LRSAM1: variants seen among roughly 807,000 people sequenced by gnomAD.
LRSAM1 encodes leucine rich repeat and sterile alpha motif containing 1.
Under a neutral mutation model 118.1 loss-of-function variants are expected in LRSAM1, and 96 were observed. The observed-to-expected ratio is 0.81, with a 90% CI of 0.69 to 0.96. LRSAM1 has a LOEUF of 0.96. Among genes scored for constraint, LRSAM1 ranks in the 40% least tolerant of loss-of-function variants. The pLI is 0.00. For synonymous variants in LRSAM1, 322 were observed against 364.2 expected, an observed-to-expected ratio of 0.88 and a Z score of 1.32; for missense variants, 804 against 915.5, an observed-to-expected ratio of 0.88 and a Z score of 1.57.
intron 6 of LRSAM1, among the ~76,000 whole-genome samples, 179 bp from the exon 7 acceptor site, chr9:127,458,824 A>G (rs74472939): frequency 1.8e-4 from 28 of 152,384 alleles, no homozygotes; most frequent in African/African-American, 5.3e-4. Context: ...AGAAAATGGT[A>G]TAATGGTTTG....
rs1834446057 is a variant in LRSAM1 at position 127,454,575 on chromosome 9, A to G, written c.48A>G (p.Lys16=). 6.2e-7 allele frequency: 1 copy of G among 1,614,006 alleles called. No individual in the cohort carries two copies. The highest frequency in any genetic ancestry group is 1.7e-5 in the Admixed American group (1 of 60,000). The part of the protein sequence containing the change: ...RKRKPSEEAR[K]RLEYQMCLAK... ...GGAAACCCAGTGAGGAGGCTCGGAAACGCCTGGAGTACCAGATGTGTTTGG... is the reference window on the plus strand; with the variant it reads ...GGAAACCCAGTGAGGAGGCTCGGAAGCGCCTGGAGTACCAGATGTGTTTGG... The change falls in exon 3 of 26, where the codon AAA becomes AAG. Residue 16 remains lysine (K), a synonymous_variant. Coordinates refer to ENST00000300417, the MANE Select transcript of LRSAM1 (RefSeq NM_001005373.4).
chr9:127,463,271 G>T (rs1834817215), intron 9 of LRSAM1, among the ~76,000 whole-genome samples: 1 of 152,016 alleles, frequency 6.6e-6, no homozygotes, highest in Non-Finnish European at 1.5e-5. Context: ...GGAGGCAGGT[G>T]GTGGGAAGCA....
chr9:127,481,085 C>T, intron 14 of LRSAM1, 98 bp from the exon 15 acceptor site: 5 of 1,354,020 alleles, frequency 3.7e-6, no homozygotes, highest in Non-Finnish European at 5.2e-6. Context: ...CCAAGGTGCC[C>T]CCAGCCCATT....
chr9:127,462,185 G>A (rs1004963126), intron 8 of LRSAM1, 67 bp from the exon 9 acceptor site: 5 of 1,608,132 alleles, frequency 3.1e-6, no homozygotes, highest in Admixed American at 1.7e-5. Flanking sequence ...GGCTCCCAGC[G>A]GGCATCAGGC....
At chr9:127,453,054 A>C (rs1269722962) in intron 2 of LRSAM1, among the ~76,000 whole-genome samples, 1 of 152,116 alleles carries the variant, frequency 6.6e-6, no homozygotes, top group Admixed American at 6.5e-5. Context: ...TGAACTTAAT[A>C]AGCATCTACT....
At position 127,502,794 on chromosome 9, in the gene LRSAM1, C is replaced by G; in HGVS notation, c.2067C>G (p.Asn689Lys). Residue 689 changes from asparagine to lysine, a missense_variant, in exon 26 of 26, where the codon AAC (asparagine) becomes AAG (lysine). Physicochemically the swap from Asn to Lys is moderately conservative, Grantham distance 94. Coordinates refer to ENST00000300417, the MANE Select transcript of LRSAM1 (RefSeq NM_001005373.4). ...CCCAGGCCCAGATGATCTTCCTCAACTGTGGCCACGTCTGCTGCTGCCAGC... is the reference window on the plus strand; with the variant it reads ...CCCAGGCCCAGATGATCTTCCTCAAGTGTGGCCACGTCTGCTGCTGCCAGC... ...LEREAQMIFL[N>K]CGHVCCCQQC... The G allele has an allele frequency of 6.2e-7, 1 of 1,609,252 alleles. No individual in the cohort carries two copies. The highest frequency in any genetic ancestry group is 8.5e-7 in the Non-Finnish European group (1 of 1,177,484).
rs1056512960 is a variant in LRSAM1, at chr9:127,482,953, A to G, written c.1092A>G (p.Ile364Met). 6.4e-7 allele frequency: 1 copy of G among 1,556,314 alleles called. No homozygotes were observed. The highest frequency in any genetic ancestry group is 1.4e-5 in the African/African-American group (1 of 73,346). The change falls in exon 16 of 26, where the codon ATA becomes ATG. Residue 364 changes from isoleucine to methionine, a missense_variant. Ile to Met is a conservative substitution (Grantham distance 10). Coordinates refer to ENST00000300417, the MANE Select transcript of LRSAM1 (RefSeq NM_001005373.4). ...EILKSLENER[I>M]RMEQLMSITQ... is the part of the protein sequence containing the mutation. ...GAATGGATGGATTTTTTTCTAGAAT[A>G]AGAATGGAACAGTTGATGTCCATAA... is the stretch of plus-strand genomic sequence containing the variant.
chr9:127,481,154 G>T (rs780523082), intron 14 of LRSAM1, 29 bp from the exon 15 acceptor site: 31 of 1,613,468 alleles, frequency 1.9e-5, no homozygotes, highest in Middle Eastern at 1.6e-4. Context: ...GCTGGTGACT[G>T]CCAGGACCTT....
chr9:127,477,937 T>TCG (rs1387585341), intron 11 of LRSAM1, among the ~76,000 whole-genome samples: 1 of 150,350 alleles, frequency 6.7e-6, no homozygotes, highest in East Asian at 2.0e-4. Context: ...TAATCCCAGC[T>TCG]ACTCAGGAGG....
intron 2 of LRSAM1, chr9:127,453,692 T>C (rs1834405927): frequency 6.6e-6 from 1 of 152,540 alleles, no homozygotes; most frequent in African/African-American, 2.4e-5. Context: ...GGCCTCACTA[T>C]GGGTCGGTGG....
At chr9:127,501,244 CTAAG>C in intron 25 of LRSAM1, 101 bp downstream of exon 25, 2 of 1,428,582 alleles carry the variant, frequency 1.4e-6, no homozygotes, top group Admixed American at 4.1e-5. Flanking sequence ...CTCCAGTTCT[CTAAG>C]TAGACTGTGC....
Position 127,492,796 on chromosome 9 carries a change from T to G in LRSAM1, c.1504-6T>G. 5.6e-6 allele frequency: 9 copies of G among 1,613,370 alleles called. No homozygotes were observed. Among genetic ancestry groups the G allele is most frequent in the Non-Finnish European group, 6.8e-6 (8 of 1,179,910 alleles). On this transcript the variant is annotated splice_polypyrimidine_tract_variant and splice_region_variant and intron_variant, in intron 20 of 25. Transcript: ENST00000300417. ...ACGGTGGTGCGGGGTGTGGTCTTGTTCGCAGGAGATGATCTCGGAGCAGCG... is the reference window on the plus strand; with the variant it reads ...ACGGTGGTGCGGGGTGTGGTCTTGTGCGCAGGAGATGATCTCGGAGCAGCG...
At chr9:127,491,124 T>C (rs565398201) in intron 19 of LRSAM1, 91 bp from the exon 20 acceptor site, 3 of 1,097,720 alleles carry the variant, frequency 2.7e-6, no homozygotes, top group Admixed American at 1.7e-5. Context: ...GAAAGGCTTC[T>C]TAGACCCACT....
At chr9:127,475,158 C>A (rs1322389354) in intron 11 of LRSAM1, among the ~76,000 whole-genome samples, 1 of 151,996 alleles carries the variant, frequency 6.6e-6, no homozygotes, top group African/African-American at 2.4e-5. Context: ...ATATTTGCAA[C>A]ACAGTCACTG....
Position 127,485,826 on chromosome 9 carries a change from C to A in LRSAM1, c.1250C>A (p.Ala417Asp), listed in dbSNP as rs1416156190. 1.2e-6 allele frequency: 2 copies of A among 1,614,112 alleles called. No individual in the cohort carries two copies. Among genetic ancestry groups the A allele is most frequent in the African/African-American group, 2.7e-5 (2 of 75,054 alleles). Residue 417 changes from alanine (A) to aspartate (D), a missense_variant, in exon 17 of 26, where the codon GCC (alanine) becomes GAC (aspartate). Coordinates refer to ENST00000300417, the MANE Select transcript of LRSAM1 (RefSeq NM_001005373.4). ...CAGAGGCAGAACTTGGTCCAGCAGG[C>A]CTGTTCCAGGTAAGGTAAGGAAGAG... ...ESQRQNLVQQ[A>D]CSSMAEMDER... is the part of the protein sequence containing the mutation.
chr9:127,457,250 C>T (rs1429078790), intron 5 of LRSAM1, 66 bp from the exon 6 acceptor site: 19 of 1,585,134 alleles, frequency 1.2e-5, no homozygotes, highest in Admixed American at 6.7e-5. Context: ...CTGGCTCCCA[C>T]GCCCTTAGCC....
At chr9:127,494,916 A>C (rs1008692902) in intron 21 of LRSAM1, among the ~76,000 whole-genome samples, 3 of 152,192 alleles carry the variant, frequency 2.0e-5, no homozygotes, top group Non-Finnish European at 2.9e-5. Flanking sequence ...CCACCCGCTC[A>C]GAGGAGCATG....
chr9:127,454,070 C>G (rs12350191), intron 2 of LRSAM1: 1 of 247,710 alleles, frequency 4.0e-6, no homozygotes, highest in Non-Finnish European at 7.2e-6. Context: ...GCCCCTGCCC[C>G]CGTGGAACTC....
intron 18 of LRSAM1, 106 bp downstream of exon 18, chr9:127,487,869 A>T: frequency 1.1e-6 from 1 of 897,826 alleles, no homozygotes; most frequent in Non-Finnish European, 1.7e-6. Flanking sequence ...AGCATGTGGG[A>T]CCACAGAGGT....
Sources: allele counts gnomAD v4.1 joint callset (sites outside exome capture counted in the v4.1 genomes callset), GRCh38; gene constraint gnomAD v4.1.1; transcripts MANE v1.5; gene names NCBI Gene and HGNC (gene_info 2026-07-23, HGNC 2026-07-21).